The following TMEM132B variants were observed in gnomAD, a reference collection of about 807,000 sequenced individuals.
TMEM132B encodes transmembrane protein 132B.
Under a neutral mutation model 90.8 loss-of-function variants are expected in TMEM132B, and 18 were observed. The ratio of observed to expected loss-of-function variants is 0.20; its 90% CI spans 0.14 to 0.29. TMEM132B has a LOEUF of 0.29. Ranked by LOEUF, TMEM132B falls within the 10% of genes least tolerant of loss-of-function variation. The pLI is 1.00. For missense variants in TMEM132B, 1,096 were observed against 1,326.8 expected, an observed-to-expected ratio of 0.83 and a Z score of 2.70; for synonymous variants, 504 against 523.3, an observed-to-expected ratio of 0.96 and a Z score of 0.50.
chr12:125,466,525 A>C (rs1386202120), intron 3 of TMEM132B, among the ~76,000 whole-genome samples: 1 of 152,214 alleles, frequency 6.6e-6, no homozygotes, highest in East Asian at 1.9e-4. Flanking sequence ...CTGTTCTGCT[A>C]TGCAGAGCAA....
chr12:125,641,050 A>G (rs1434710315), intron 5 of TMEM132B, among the ~76,000 whole-genome samples: 1 of 152,140 alleles, frequency 6.6e-6, no homozygotes, highest in South Asian at 2.1e-4. Flanking sequence ...AACAGGTGCC[A>G]GAGTAGGGAT....
chr12:125,254,241 A>G (rs528504458), intron 1 of TMEM132B, among the ~76,000 whole-genome samples: 5 of 152,210 alleles, frequency 3.3e-5, no homozygotes, highest in Non-Finnish European at 7.4e-5. Flanking sequence ...CGTTTGTGCC[A>G]TTGCACTCCA....
intron 5 of TMEM132B, 28 bp downstream of exon 5, chr12:125,584,022 C>T: frequency 6.2e-7 from 1 of 1,613,904 alleles, no homozygotes; most frequent in Non-Finnish European, 8.5e-7. Flanking sequence ...TACAGCTGTC[C>T]TAAGTGCTCA....
At chr12:125,427,364 T>C (rs1435284760) in intron 3 of TMEM132B, among the ~76,000 whole-genome samples, 1 of 152,150 alleles carries the variant, frequency 6.6e-6, no homozygotes, top group East Asian at 1.9e-4. Flanking sequence ...GGCTCCATTA[T>C]AGATGGGGAA....
chr12:125,412,579 G>C (rs372176), intron 2 of TMEM132B, among the ~76,000 whole-genome samples: 29,194 of 152,114 alleles, frequency 0.19, 4,247 homozygotes, highest in African/African-American at 0.41. Flanking sequence ...CGGGTGGGAG[G>C]GTCTGATTTG....
At chr12:125,206,022 C>G (rs1050683219) in intron 1 of TMEM132B, among the ~76,000 whole-genome samples, 1 of 152,138 alleles carries the variant, frequency 6.6e-6, no homozygotes, top group East Asian at 1.9e-4. Flanking sequence ...GAAGAAGGAG[C>G]TTCTTAGCTC....
At chr12:125,609,084 G>A (rs11058263) in intron 5 of TMEM132B, among the ~76,000 whole-genome samples, 14,884 of 152,066 alleles carry the variant, frequency 0.098, 1,188 homozygotes, top group Admixed American at 0.26. Context: ...AAAACCATCA[G>A]TCTCCTGAGA....
At chr12:125,234,459 G>T (rs1263333039) in intron 1 of TMEM132B, among the ~76,000 whole-genome samples, 1 of 152,140 alleles carries the variant, frequency 6.6e-6, no homozygotes, top group Non-Finnish European at 1.5e-5. Flanking sequence ...CTCCATGTGG[G>T]GTCCTGCACT....
chr12:125,468,920 A>G (rs945168930), intron 3 of TMEM132B, among the ~76,000 whole-genome samples: 3 of 152,236 alleles, frequency 2.0e-5, no homozygotes, highest in Non-Finnish European at 4.4e-5. Context: ...ATAGAAACAC[A>G]ACTGATTTTT....
At chr12:125,343,655 T>C (rs1877265364) in intron 1 of TMEM132B, among the ~76,000 whole-genome samples, 1 of 152,238 alleles carries the variant, frequency 6.6e-6, no homozygotes, top group Non-Finnish European at 1.5e-5. Flanking sequence ...TTGAAAACGG[T>C]CTAACAGAAC....
At position 125,552,188 on chromosome 12, in the gene TMEM132B, G is replaced by A. The variant is rs538667347; in HGVS notation, c.1294-31663G>A. Among the ~76,000 whole-genome samples, 168 of 152,326 alleles carry A rather than the reference G, an allele frequency of 1.1e-3. 1 individual carries two copies. The highest frequency in any genetic ancestry group is 3.8e-3 in the African/African-American group (157 of 41,572). On this transcript the variant is annotated intron_variant, in intron 4 of 8. Transcript: ENST00000682704. ...AAAATAATGATTACGTTATTAGATC[G>A]TGGCCCTGTATTTGTAGCTGGCTCT...
At chr12:125,194,418 C>A (rs1872881334) in intron 1 of TMEM132B, among the ~76,000 whole-genome samples, 1 of 152,128 alleles carries the variant, frequency 6.6e-6, no homozygotes, top group Non-Finnish European at 1.5e-5. Flanking sequence ...CAAATGGACA[C>A]ATGAAAATAC....
intron 2 of TMEM132B, among the ~76,000 whole-genome samples, chr12:125,359,405 T>C (rs1877890330): frequency 6.6e-6 from 1 of 152,230 alleles, no homozygotes; most frequent in African/African-American, 2.4e-5. Flanking sequence ...ATCTATAATA[T>C]TCTTATAACA....
chr12:125,580,233 C>A (rs534530884), intron 4 of TMEM132B, among the ~76,000 whole-genome samples: 1 of 152,180 alleles, frequency 6.6e-6, no homozygotes, highest in Non-Finnish European at 1.5e-5. Context: ...TATGTCATAG[C>A]CTTTCAAAGA....
intron 1 of TMEM132B, among the ~76,000 whole-genome samples, chr12:125,205,412 G>A (rs182711018): frequency 4.8e-5 from 7 of 146,568 alleles, no homozygotes; most frequent in South Asian, 4.4e-4. Flanking sequence ...GAAATATCTC[G>A]TGAATCCTTT....
intron 4 of TMEM132B, among the ~76,000 whole-genome samples, chr12:125,536,582 A>T (rs987251539): frequency 2.0e-4 from 31 of 152,374 alleles, no homozygotes; most frequent in African/African-American, 7.0e-4. Flanking sequence ...ACAAGTTAAT[A>T]TAAGTAAGTG....
At chr12:125,187,629 T>A (rs1256629908) in intron 1 of TMEM132B, among the ~76,000 whole-genome samples, 2 of 152,248 alleles carry the variant, frequency 1.3e-5, no homozygotes, top group Non-Finnish European at 2.9e-5. Context: ...CCAGCTCAGC[T>A]GTCGCCCAAT....
chr12:125,318,020 A>G (rs1486553774), intron 1 of TMEM132B, among the ~76,000 whole-genome samples: 1 of 152,210 alleles, frequency 6.6e-6, no homozygotes, highest in Non-Finnish European at 1.5e-5. Context: ...ATAGTAGCAA[A>G]GTGAGTGGGT....
At chr12:125,275,149 G>A (rs1027850960) in intron 1 of TMEM132B, among the ~76,000 whole-genome samples, 6 of 152,144 alleles carry the variant, frequency 3.9e-5, no homozygotes, top group African/African-American at 7.2e-5. Context: ...AACGTGGGCT[G>A]GACTTTTCTC....
Sources: allele counts gnomAD v4.1 joint callset (sites outside exome capture counted in the v4.1 genomes callset), GRCh38; gene constraint gnomAD v4.1.1; transcripts MANE v1.5; gene names NCBI Gene and HGNC (gene_info 2026-07-23, HGNC 2026-07-21).